The following CCDC187 variants were observed in gnomAD, a reference collection of about 807,000 sequenced individuals.
The protein encoded by CCDC187 is coiled-coil domain-containing protein 187.
In CCDC187, 32 loss-of-function variants were observed where a neutral mutation model predicts 38.0. That is an observed-to-expected ratio of 0.84 (90% CI 0.64 to 1.13). The LOEUF (loss-of-function observed/expected upper bound fraction) is 1.13, where lower values mean the gene tolerates loss of function less well. Ranked by LOEUF, CCDC187 falls within the 50% of genes most tolerant of loss-of-function variation. The pLI, the probability that CCDC187 is intolerant of heterozygous loss-of-function variation, is 0.00. For synonymous variants in CCDC187, 333 were observed against 347.9 expected, an observed-to-expected ratio of 0.96 and a Z score of 0.48; for missense variants, 707 against 786.8, an observed-to-expected ratio of 0.90 and a Z score of 1.21.
At chr9:136,301,878 G>A (rs900840654) in intron 2 of CCDC187, among the ~76,000 whole-genome samples, 46 of 151,964 alleles carry the variant, frequency 3.0e-4, no homozygotes, top group African/African-American at 9.2e-4. Flanking sequence ...ATCAGCCACC[G>A]CTCCCGGACT....
chr9:136,306,503 CCCAGTGCA>C (rs1377059351), upstream of CCDC187, among the ~76,000 whole-genome samples: 3 of 152,304 alleles, frequency 2.0e-5, no homozygotes, highest in South Asian at 6.2e-4. Context: ...TTCCAGGGCC[CCCAGTGCA>C]CCACGCGCCG....
intron 7 of CCDC187, among the ~76,000 whole-genome samples, chr9:136,289,502 G>C (rs921398922): frequency 1.9e-5 from 2 of 107,674 alleles, no homozygotes; most frequent in Middle Eastern, 0.01. Context: ...CTGGGCAACA[G>C]AGCAAAACTC....
rs1419443949 is a variant in CCDC187 at position 136,291,138 on chromosome 9, C to T, written c.1475G>A (p.Ser492Asn). The change falls in exon 6 of 26, where the codon AGT becomes AAT. Residue 492 changes from serine to asparagine, a missense_variant. By Grantham distance (46) the Ser-to-Asn change is conservative. Coordinates refer to ENST00000638797, the MANE Select transcript of CCDC187 (RefSeq NM_001378188.1). ...RLGHFSQRPW[S>N]ALAGQACSPQ... Reference sequence around the variant, plus strand: ...ACTGCAGGCCTGCCCAGCCAGTGCACTCCAGGGCCTCTGGGAGAAGTGGCC... The same window carrying T: ...ACTGCAGGCCTGCCCAGCCAGTGCATTCCAGGGCCTCTGGGAGAAGTGGCC... The T allele has an allele frequency of 5.0e-6, 2 of 398,600 alleles. No homozygotes were observed. The highest frequency in any genetic ancestry group is 2.1e-5 in the African/African-American group (1 of 48,638). 24.7% of individuals were successfully genotyped at this position (398,600 alleles called of 1,614,324 possible). A position where few individuals can be genotyped will look rare whatever the true frequency, so the allele number is the denominator to read the frequency against.
At chr9:136,271,457 G>A (rs550695955) in intron 14 of CCDC187, among the ~76,000 whole-genome samples, 207 of 152,118 alleles carry the variant, frequency 1.4e-3, no homozygotes, top group African/African-American at 4.8e-3. Flanking sequence ...AGACGCAGAG[G>A]TTGCAGTGAG....
In CCDC187 at chr9:136,254,260, C is replaced by T; in HGVS notation, c.5568G>A (p.Val1856=). ...ASGTSESLMG[V]SDTGEALQAP... ...CCTGGAGGGCTTCTCCTGTGTCTGA[C>T]ACCCCCATCAGGCTCTCGCTGGTCC... The change falls in exon 26 of 26, where the codon GTG becomes GTA. Residue 1856 remains valine, a synonymous_variant. Coordinates refer to ENST00000638797, the MANE Select transcript of CCDC187 (RefSeq NM_001378188.1). 2 of 984,656 alleles carry T rather than the reference C, an allele frequency of 2.0e-6. No individual in the cohort carries two copies. The highest frequency in any genetic ancestry group is 2.4e-6 in the Non-Finnish European group (2 of 829,278). 61.0% of individuals were successfully genotyped at this position (984,656 alleles called of 1,614,324 possible).
Position 136,253,909 on chromosome 9 carries a change from C to T in CCDC187, c.5919G>A (p.Glu1973=), listed in dbSNP as rs1830580452. 5 of 985,566 alleles carry T rather than the reference C, an allele frequency of 5.1e-6. No homozygotes were observed. The highest frequency in any genetic ancestry group is 6.0e-6 in the Non-Finnish European group (5 of 830,026). 61.1% of individuals were successfully genotyped at this position (985,566 alleles called of 1,614,324 possible). ...CACCGGCAAGTAGGGGACAGGCTTC[C>T]TCCAGGACAGTGGGGGCCCCATTCC... ...PGGNGAPTVL[E]EACPLLAGDV... Residue 1973 remains glutamate (E), a synonymous_variant, in exon 26 of 26, where the codon GAG becomes GAA. Transcript: ENST00000638797.
At chr9:136,261,124 G>A (rs1830673719) in intron 19 of CCDC187, among the ~76,000 whole-genome samples, 1 of 152,066 alleles carries the variant, frequency 6.6e-6, no homozygotes, top group African/African-American at 2.4e-5. Flanking sequence ...CCCCACAGCA[G>A]CTCCATCTGC....
At chr9:136,259,287 A>G in intron 21 of CCDC187, 76 bp downstream of exon 21, 1 of 440,592 alleles carries the variant, frequency 2.3e-6, no homozygotes, top group Non-Finnish European at 2.9e-6. Context: ...CAAGTCACAG[A>G]TTGGCAGAAT....
chr9:136,289,590 C>G (rs934597278), intron 7 of CCDC187, among the ~76,000 whole-genome samples: 21 of 151,908 alleles, frequency 1.4e-4, no homozygotes, highest in Non-Finnish European at 7.4e-5. Flanking sequence ...ATGGCTCCCC[C>G]ACAAGGGCTG....
intron 18 of CCDC187, among the ~76,000 whole-genome samples, chr9:136,262,900 C>T (rs1369830428): frequency 6.6e-6 from 1 of 152,100 alleles, no homozygotes; most frequent in Non-Finnish European, 1.5e-5. Flanking sequence ...TCCCCCACCC[C>T]TTGTCCACAC....
intron 14 of CCDC187, among the ~76,000 whole-genome samples, chr9:136,268,517 G>A (rs1208460215): frequency 1.3e-5 from 2 of 152,176 alleles, no homozygotes; most frequent in African/African-American, 2.4e-5. Flanking sequence ...CCCAGCTGAA[G>A]TAGCTGACCT....
At chr9:136,293,978 TCTCACACACACA>T (rs1831461483) in intron 4 of CCDC187, among the ~76,000 whole-genome samples, 2 of 107,326 alleles carry the variant, frequency 1.9e-5, no homozygotes, top group Admixed American at 1.1e-4. Flanking sequence ...CCTCACATGC[TCTCACACACACA>T]CTCACACTCA....
At chr9:136,294,251 C>G (rs1403418149) in intron 4 of CCDC187, among the ~76,000 whole-genome samples, 1 of 151,732 alleles carries the variant, frequency 6.6e-6, no homozygotes, top group African/African-American at 2.4e-5. Context: ...TGGTCTCACA[C>G]TCTCACGCGC....
At chr9:136,287,049 C>CA (rs1831199533) in intron 7 of CCDC187, among the ~76,000 whole-genome samples, 1 of 152,196 alleles carries the variant, frequency 6.6e-6, no homozygotes, top group Admixed American at 6.5e-5. Context: ...GTCAGAGTCT[C>CA]AAAGACATCA....
At position 136,253,211 on chromosome 9, in the gene CCDC187, C is replaced by G. The variant is rs1248208236; in HGVS notation, c.*383G>C. ...CTGCCCCGCTACCCACCCCGGCTCT[C>G]TGCATGCCCAGAGCTCTGCGCTCCT... is the stretch of plus-strand genomic sequence containing the variant. On this transcript the variant is annotated 3_prime_UTR_variant, in exon 26 of 26. Transcript: ENST00000638797. The G allele has an allele frequency of 6.5e-6, 1 of 152,804 alleles. No individual in the cohort carries two copies. The highest frequency in any genetic ancestry group is 2.4e-5 in the African/African-American group (1 of 41,450). The allele number at this position is 152,804 out of a possible 1,614,324, so 9.5% of individuals were successfully genotyped here.
At chr9:136,285,844 C>T (rs1048680927) in intron 8 of CCDC187, 7 of 396,798 alleles carry the variant, frequency 1.8e-5, no homozygotes, top group East Asian at 7.1e-5. Context: ...ATAGCTGCTG[C>T]GGGTGCCATG....
rs1830560512 is a variant in CCDC187 at position 136,252,484 on chromosome 9, CCTGGGA to C, written c.*1104_*1109del. On this transcript the variant is annotated 3_prime_UTR_variant, in exon 26 of 26. Coordinates refer to ENST00000638797, the MANE Select transcript of CCDC187 (RefSeq NM_001378188.1). ...ACAGCCGGCCGCCCACCCGGTCCAC[CCTGGGA>C]AGGTCCAGGCGACCATCCTGCACAG... is the stretch of plus-strand genomic sequence containing the variant. 5.0e-6 allele frequency: 1 copy of C among 201,034 alleles called. No homozygotes were observed. Among genetic ancestry groups the C allele is most frequent in the Non-Finnish European group, 1.0e-5 (1 of 95,904 alleles). 12.5% of individuals were successfully genotyped at this position (201,034 alleles called of 1,614,324 possible). A position where few individuals can be genotyped will look rare whatever the true frequency, so the allele number is the denominator to read the frequency against.
chr9:136,306,078 G>C (rs892345368), upstream of CCDC187, among the ~76,000 whole-genome samples: 40 of 152,340 alleles, frequency 2.6e-4, no homozygotes, highest in Non-Finnish European at 4.7e-4. Flanking sequence ...CGAGGCTCGG[G>C]GCTACTCTGC....
At position 136,257,953 on chromosome 9, in the gene CCDC187, G is replaced by A. The variant is rs924172860; in HGVS notation, c.4366+979C>T. On this transcript the variant is annotated intron_variant, in intron 22 of 25. Transcript: ENST00000638797. The surrounding 1 kb of genome is among the most constrained non-coding windows in gnomAD (Gnocchi z 4.5). Reference sequence around the variant, plus strand: ...CCTCAGGCTCCTCCTCTGCTGCGTGGGCATAACGAGTGAATCCACCTCCAG... The same window carrying A: ...CCTCAGGCTCCTCCTCTGCTGCGTGAGCATAACGAGTGAATCCACCTCCAG... Among the ~76,000 whole-genome samples, 1 of 152,202 alleles carries A rather than the reference G, an allele frequency of 6.6e-6. No homozygotes were observed.
Sources: gnomAD v4.1 joint callset for allele counts (sites outside exome capture counted in the v4.1 genomes callset) on GRCh38, gnomAD v4.1.1 for gene constraint, Gnocchi (gnomAD v3.1) non-coding constraint, MANE v1.5 for transcripts, NCBI Gene and HGNC (gene_info 2026-07-23, HGNC 2026-07-21) for gene names.